Variants in FHIP1A observed in about 807,000 individuals in gnomAD.
FHIP1A encodes the protein FHF complex subunit HOOK-interacting protein 1A.
A neutral mutation model predicts 88.6 loss-of-function variants in FHIP1A; 61 were observed. The ratio of observed to expected loss-of-function variants is 0.69; its 90% CI spans 0.56 to 0.85. The LOEUF is 0.85. FHIP1A is among the 40% of genes least tolerant of loss of function. The pLI is 0.00. For synonymous variants in FHIP1A, 478 were observed against 496.0 expected, an observed-to-expected ratio of 0.96 and a Z score of 0.48; for missense variants, 1,154 against 1,273.5, an observed-to-expected ratio of 0.91 and a Z score of 1.43.
intron 1 of FHIP1A, among the ~76,000 whole-genome samples, chr4:151,426,912 A>G (rs4266275): frequency 0.52 from 79,052 of 152,020 alleles, 20,857 homozygotes; most frequent in African/African-American, 0.55. Context: ...CTCCTGTGCT[A>G]GAAAGGTTTC....
intron 3 of FHIP1A, among the ~76,000 whole-genome samples, chr4:151,558,218 A>G (rs1328443481): frequency 6.6e-6 from 1 of 152,176 alleles, no homozygotes; most frequent in Non-Finnish European, 1.5e-5. Flanking sequence ...TAGAAAAACA[A>G]TCTCATAAGA....
At chr4:151,535,758 T>C (rs1356056535) in intron 3 of FHIP1A, among the ~76,000 whole-genome samples, 1 of 152,250 alleles carries the variant, frequency 6.6e-6, no homozygotes, top group East Asian at 1.9e-4. Context: ...GAATAAATAT[T>C]TGTGGAACAA....
At chr4:151,587,316 T>TG (rs1480408776) in intron 6 of FHIP1A, among the ~76,000 whole-genome samples, 1 of 152,182 alleles carries the variant, frequency 6.6e-6, no homozygotes, top group African/African-American at 2.4e-5. Flanking sequence ...AAGCAACCAC[T>TG]GAATTCTTGT....
intron 1 of FHIP1A, among the ~76,000 whole-genome samples, chr4:151,450,650 A>C (rs558192448): frequency 2.0e-5 from 3 of 152,300 alleles, no homozygotes; most frequent in African/African-American, 7.2e-5. Context: ...TTGCTCTCCA[A>C]AATTGTTGCA....
Position 151,566,245 on chromosome 4 carries a change from G to T in FHIP1A, c.-15G>T. On this transcript the variant is annotated 5_prime_UTR_variant, in exon 4 of 14. Transcript: ENST00000435205. ...AAATTAAATATGACTTAGAAGCATTGATTTATGAAGGCTTATGATGTCATC... is the reference window on the plus strand; with the variant it reads ...AAATTAAATATGACTTAGAAGCATTTATTTATGAAGGCTTATGATGTCATC... 1 of 1,505,258 alleles carries T rather than the reference G, an allele frequency of 6.6e-7. No homozygotes were observed. The highest frequency in any genetic ancestry group is 1.2e-5 in the South Asian group (1 of 80,868). 93.2% of individuals were successfully genotyped at this position (1,505,258 alleles called of 1,614,324 possible).
chr4:151,499,688 G>T (rs1256611245), intron 3 of FHIP1A, among the ~76,000 whole-genome samples: 1 of 152,204 alleles, frequency 6.6e-6, no homozygotes, highest in African/African-American at 2.4e-5. Context: ...CAGCGTGGCT[G>T]GGGAGGCCTC....
chr4:151,463,343 A>C (rs1729202859), intron 2 of FHIP1A, among the ~76,000 whole-genome samples: 1 of 152,184 alleles, frequency 6.6e-6, no homozygotes, highest in Non-Finnish European at 1.5e-5. Flanking sequence ...AAGTAGAATG[A>C]TGGTATGTCA....
At chr4:151,543,861 A>G (rs192868597) in intron 3 of FHIP1A, among the ~76,000 whole-genome samples, 24 of 152,348 alleles carry the variant, frequency 1.6e-4, no homozygotes, top group African/African-American at 5.5e-4. Context: ...TGGCTTAAAA[A>G]AGACTTCTGG....
intron 3 of FHIP1A, among the ~76,000 whole-genome samples, chr4:151,511,460 C>G (rs549778586): frequency 6.6e-6 from 1 of 152,182 alleles, no homozygotes; most frequent in East Asian, 1.9e-4. Flanking sequence ...GCGCACCGTG[C>G]GCGAGCCGAA....
At chr4:151,609,549 A>T (rs914517921) in intron 7 of FHIP1A, among the ~76,000 whole-genome samples, 5 of 151,594 alleles carry the variant, frequency 3.3e-5, no homozygotes, top group Non-Finnish European at 7.4e-5. Context: ...GTGGAAATAT[A>T]ATAGAAGCAA....
chr4:151,548,783 G>A (rs545216585), intron 3 of FHIP1A, among the ~76,000 whole-genome samples: 67 of 152,194 alleles, frequency 4.4e-4, no homozygotes, highest in African/African-American at 1.3e-3. Flanking sequence ...TTAGCCAGGC[G>A]TGGTGGCACA....
intron 3 of FHIP1A, among the ~76,000 whole-genome samples, chr4:151,488,996 A>G (rs981861678): frequency 2.6e-5 from 4 of 152,192 alleles, no homozygotes; most frequent in Admixed American, 2.0e-4. Flanking sequence ...GGAGACTCAC[A>G]TTGTGAAGTT....
At chr4:151,594,610 T>G (rs1247362689) in intron 7 of FHIP1A, among the ~76,000 whole-genome samples, 1 of 151,114 alleles carries the variant, frequency 6.6e-6, no homozygotes, top group Non-Finnish European at 1.5e-5. Context: ...GGAATCTCGC[T>G]CTGTTGCCCA....
intron 3 of FHIP1A, among the ~76,000 whole-genome samples, chr4:151,528,284 T>C (rs1222095376): frequency 1.3e-5 from 2 of 152,344 alleles, no homozygotes; most frequent in East Asian, 3.9e-4. Context: ...GCAGTAGTGC[T>C]CCTCTACTGC....
chr4:151,500,880 AC>A (rs1190071307), intron 3 of FHIP1A, among the ~76,000 whole-genome samples: 2 of 152,236 alleles, frequency 1.3e-5, no homozygotes, highest in Non-Finnish European at 2.9e-5. Context: ...CTCACCACGG[AC>A]ACACCAGCAT....
At chr4:151,445,469 G>A (rs555334107) in intron 1 of FHIP1A, among the ~76,000 whole-genome samples, 2 of 152,084 alleles carry the variant, frequency 1.3e-5, no homozygotes, top group East Asian at 3.9e-4. Flanking sequence ...TGGAGTGGGG[G>A]GGTGGAGGAG....
intron 3 of FHIP1A, among the ~76,000 whole-genome samples, chr4:151,504,954 T>G (rs1354894075): frequency 2.0e-5 from 3 of 152,108 alleles, no homozygotes; most frequent in Non-Finnish European, 4.4e-5. Flanking sequence ...AGAAGAAAAC[T>G]GTCAGGACTC....
At chr4:151,607,057 G>T (rs1292686880) in intron 7 of FHIP1A, among the ~76,000 whole-genome samples, 1 of 152,120 alleles carries the variant, frequency 6.6e-6, no homozygotes, top group Non-Finnish European at 1.5e-5. Context: ...AACTTGGCAG[G>T]AAAGCTCAAT....
chr4:151,584,168 C>T (rs1734123694), intron 5 of FHIP1A, among the ~76,000 whole-genome samples: 1 of 152,108 alleles, frequency 6.6e-6, no homozygotes, highest in South Asian at 2.1e-4. Context: ...GGCTCCTATA[C>T]CATCTCCCCA....
Sources: gnomAD v4.1 joint callset for allele counts (sites outside exome capture counted in the v4.1 genomes callset) on GRCh38, gnomAD v4.1.1 for gene constraint, MANE v1.5 for transcripts, NCBI Gene and HGNC (gene_info 2026-07-23, HGNC 2026-07-21) for gene names.